The following FER variants were observed in gnomAD, a reference collection of about 807,000 sequenced individuals.
FER encodes FER tyrosine kinase, also known as tyrosine-protein kinase Fer.
A neutral mutation model predicts 111.0 loss-of-function variants in FER; 63 were observed. That is an observed-to-expected ratio of 0.57 (90% CI 0.46 to 0.70). The LOEUF (loss-of-function observed/expected upper bound fraction) is 0.70. Ranked by LOEUF, FER falls within the 30% of genes least tolerant of loss-of-function variation. The pLI is 0.00. For synonymous variants in FER, 327 were observed against 313.9 expected (o/e 1.04, Z -0.44); for missense variants, 914 against 954.0 (o/e 0.96, Z 0.55).
chr5:108,878,349 A>G (rs1259167201), intron 8 of FER, among the ~76,000 whole-genome samples: 4 of 152,134 alleles, frequency 2.6e-5, no homozygotes, highest in African/African-American at 9.7e-5. Context: ...CACCATCACT[A>G]CCTTCTAGGT....
At chr5:108,914,424 C>T (rs1431818198) in intron 10 of FER, among the ~76,000 whole-genome samples, 1 of 152,100 alleles carries the variant, frequency 6.6e-6, no homozygotes, top group East Asian at 1.9e-4. Flanking sequence ...ACCTCTTATT[C>T]TTTCTCTTTT....
intron 8 of FER, among the ~76,000 whole-genome samples, chr5:108,882,379 C>T (rs569970331): frequency 6.6e-5 from 10 of 151,794 alleles, no homozygotes; most frequent in Non-Finnish European, 4.4e-5. Flanking sequence ...ATTATATAGT[C>T]AGTCTAGTTA....
chr5:108,995,430 C>G (rs573221776), intron 13 of FER, among the ~76,000 whole-genome samples: 11 of 152,080 alleles, frequency 7.2e-5, no homozygotes, highest in African/African-American at 1.9e-4. Flanking sequence ...CCCCACCCCC[C>G]AACAGGCCCC....
chr5:108,845,130 A>T (rs1252648651), intron 5 of FER, among the ~76,000 whole-genome samples: 1 of 141,594 alleles, frequency 7.1e-6, no homozygotes, highest in African/African-American at 2.5e-5. Context: ...TATCCTATGG[A>T]CTTACTGAAC....
chr5:109,174,960 G>T (rs1757522869), intron 17 of FER, among the ~76,000 whole-genome samples: 1 of 152,148 alleles, frequency 6.6e-6, no homozygotes, highest in Non-Finnish European at 1.5e-5. Flanking sequence ...TAGCTTCCTG[G>T]GCTTCAGTTT....
chr5:109,018,368 G>A (rs1767472092), intron 13 of FER, among the ~76,000 whole-genome samples: 1 of 151,810 alleles, frequency 6.6e-6, no homozygotes, highest in African/African-American at 2.4e-5. Flanking sequence ...AATTCAATAT[G>A]GCTTTAAGAT....
chr5:108,999,096 G>A (rs1764377652), intron 13 of FER, among the ~76,000 whole-genome samples: 1 of 151,946 alleles, frequency 6.6e-6, no homozygotes, highest in Admixed American at 6.6e-5. Context: ...AGTAAGAATT[G>A]AAACATTATG....
intron 1 of FER, among the ~76,000 whole-genome samples, chr5:108,761,693 G>A (rs1010917413): frequency 6.6e-6 from 1 of 152,104 alleles, no homozygotes; most frequent in East Asian, 1.9e-4. Context: ...TTGTAAAAAA[G>A]GGAATATTTG....
Position 109,185,517 on chromosome 5 carries a change from G to T in FER, c.2204-683G>T, listed in dbSNP as rs994336776. On this transcript the variant is annotated intron_variant, in intron 18 of 19. Transcript: ENST00000281092. Reference sequence around the variant, plus strand: ...AGACAAAATCGCAGGAATCCAACTTGGTTAATCTCCTAGGATTGATAACGT... The same window carrying T: ...AGACAAAATCGCAGGAATCCAACTTTGTTAATCTCCTAGGATTGATAACGT... 1.1e-4 allele frequency among the ~76,000 whole-genome samples: 16 copies of T among 152,174 alleles called. 1 individual carries two copies. In the East Asian group the frequency reaches 3.1e-3, roughly 29 times the overall value.
intron 1 of FER, among the ~76,000 whole-genome samples, chr5:108,762,696 T>C (rs1246854887): frequency 6.6e-6 from 1 of 152,230 alleles, no homozygotes; most frequent in Non-Finnish European, 1.5e-5. Context: ...TGTGGTTCTG[T>C]TCTCCCTCCC....
intron 16 of FER, among the ~76,000 whole-genome samples, chr5:109,053,204 C>T (rs766236769): frequency 3.7e-4 from 56 of 151,846 alleles, no homozygotes; most frequent in Admixed American, 9.2e-4. Context: ...GCCAACATAG[C>T]GAAACCCCAT....
chr5:108,872,127 G>C lies in FER; in HGVS notation c.838G>C (p.Asp280His). 6.2e-7 allele frequency: 1 copy of C among 1,611,312 alleles called. No individual in the cohort carries two copies. The highest frequency in any genetic ancestry group is 8.5e-7 in the Non-Finnish European group (1 of 1,178,652). Residue 280 changes from aspartate to histidine, a missense_variant, in exon 8 of 20, where the codon GAT becomes CAT. Asp to His is a moderately conservative substitution (Grantham distance 81, BLOSUM62 -1). Around this residue, in one of 3 missense-constraint regions of FER, gnomAD observed 774 missense variants for 782.6 expected, o/e 0.99. Transcript: ENST00000281092. ...TGCTAAAGAACAAGAAATAGAGTTT[G>C]ATACTTCCTTACTGGAAGAAAATGA... ...TAAKEQEIEFDTSLLEENENL... is the reference protein window; with the variant it reads ...TAAKEQEIEFHTSLLEENENL...
chr5:109,108,853 C>T (rs4957798), intron 17 of FER, among the ~76,000 whole-genome samples: 28,153 of 152,078 alleles, frequency 0.19, 2,696 homozygotes, highest in African/African-American at 0.2. Flanking sequence ...TTGGAGCAAT[C>T]AACATACAGA....
rs193288461 is a variant in FER, at chr5:108,854,063, A to G, written c.482-13704A>G. Reference sequence around the variant, plus strand: ...AATTCTTGTTATTCATGGTAGTTTGATAAAGTCACTGTGTACATTAAATTA... The same window carrying G: ...AATTCTTGTTATTCATGGTAGTTTGGTAAAGTCACTGTGTACATTAAATTA... On this transcript the variant is annotated intron_variant, in intron 5 of 19. Transcript: ENST00000281092. Among the ~76,000 whole-genome samples, 524 of 152,320 alleles carry G rather than the reference A, an allele frequency of 3.4e-3. 3 individuals are homozygous for G. The highest frequency in any genetic ancestry group is 0.011 in the African/African-American group (477 of 41,580).
chr5:109,052,451 C>T, intron 16 of FER: 1 of 1,252,694 alleles, frequency 8.0e-7, no homozygotes. Context: ...GTGCTCCAGT[C>T]ACGCATGTTG....
intron 13 of FER, among the ~76,000 whole-genome samples, chr5:109,031,378 G>T (rs2149861962): frequency 6.6e-6 from 1 of 152,228 alleles, no homozygotes; most frequent in Non-Finnish European, 1.5e-5. Context: ...GAAAGGAGCA[G>T]GGAGAATTAT....
At chr5:108,869,850 T>C (rs1764439291) in intron 6 of FER, among the ~76,000 whole-genome samples, 2 of 152,130 alleles carry the variant, frequency 1.3e-5, no homozygotes, top group Non-Finnish European at 2.9e-5. Context: ...TGATAGTATA[T>C]ACTTGTGTGT....
At chr5:108,748,387 C>G (rs757804188) in intron 1 of FER, 2 of 152,460 alleles carry the variant, frequency 1.3e-5, no homozygotes, top group Middle Eastern at 3.4e-3. Flanking sequence ...TCCGCCCCCA[C>G]TCTCCGAATT....
At chr5:109,172,215 CA>C (rs1757184789) in intron 17 of FER, among the ~76,000 whole-genome samples, 1 of 151,852 alleles carries the variant, frequency 6.6e-6, no homozygotes, top group East Asian at 1.9e-4. Flanking sequence ...TTCACAATAG[CA>C]AAGACTTGGA....
Sources: gnomAD v4.1 joint callset for allele counts (sites outside exome capture counted in the v4.1 genomes callset) on GRCh38, gnomAD v4.1.1 for gene constraint, gnomAD v4.1.1 regional missense constraint, MANE v1.5 for transcripts, NCBI Gene and HGNC (gene_info 2026-07-23, HGNC 2026-07-21) for gene names.